Variants in MAGI2 observed in about 807,000 individuals in gnomAD.
The protein encoded by MAGI2 is membrane associated guanylate kinase, WW and PDZ domain containing 2, also known as membrane-associated guanylate kinase, WW and PDZ domain-containing protein 2.
A neutral mutation model predicts 133.3 loss-of-function variants in MAGI2; 35 were observed. That is an observed-to-expected ratio of 0.26 (90% CI 0.20 to 0.35). MAGI2 has a LOEUF of 0.35. Ranked by LOEUF, MAGI2 falls within the 10% of genes least tolerant of loss-of-function variation. MAGI2 has a pLI of 1.00. For synonymous variants in MAGI2, 729 were observed against 710.6 expected (o/e 1.03, Z -0.41); for missense variants, 1,636 against 1,863.4 (o/e 0.88, Z 2.25).
At chr7:78,627,638 C>T (rs1808513374) in intron 2 of MAGI2, among the ~76,000 whole-genome samples, 1 of 152,148 alleles carries the variant, frequency 6.6e-6, no homozygotes, top group Admixed American at 6.5e-5. Context: ...TGACATAAAA[C>T]ACAATGGAAA....
rs532013108 is a variant in MAGI2 at position 79,007,214 on chromosome 7, TA to T, written c.302-9del. ...CTTTATCAACAATTCCTCCTAAAAA[TA>T]AAAAAAGTTTCTTGGTAAGGGATGT... On this transcript the variant is annotated splice_polypyrimidine_tract_variant and intron_variant, in intron 1 of 21. Transcript: ENST00000354212. 1.2e-4 allele frequency: 193 copies of T among 1,553,226 alleles called. No individual in the cohort carries two copies. In the East Asian group the frequency reaches 4.0e-3, roughly 32 times the overall value.
intron 1 of MAGI2, among the ~76,000 whole-genome samples, chr7:79,174,686 T>C (rs1302416130): frequency 6.7e-6 from 1 of 150,290 alleles, no homozygotes; most frequent in Non-Finnish European, 1.5e-5. Context: ...AATAAAAAAA[T>C]TTAAATTTTT....
chr7:78,161,767 C>A (rs1278142821), intron 15 of MAGI2, among the ~76,000 whole-genome samples: 1 of 149,236 alleles, frequency 6.7e-6, no homozygotes, highest in Non-Finnish European at 1.5e-5. Context: ...TTCTTGTTTG[C>A]AATTACAGAA....
intron 2 of MAGI2, among the ~76,000 whole-genome samples, chr7:78,750,623 A>G (rs67890238): frequency 0.31 from 46,678 of 151,966 alleles, 7,383 homozygotes; most frequent in South Asian, 0.47. Flanking sequence ...ATAACAAAAA[A>G]CACAAGCAAA....
chr7:79,159,376 G>A (rs1824128021), intron 1 of MAGI2, among the ~76,000 whole-genome samples: 1 of 151,810 alleles, frequency 6.6e-6, no homozygotes, highest in Admixed American at 6.6e-5. Flanking sequence ...AATTAGCCTG[G>A]CATGGTGGTG....
chr7:79,270,229 C>T (rs1437048909), intron 1 of MAGI2, among the ~76,000 whole-genome samples: 2 of 152,186 alleles, frequency 1.3e-5, no homozygotes, highest in African/African-American at 4.8e-5. Context: ...AAAACCCTAA[C>T]CTCTGAGCCT....
At chr7:78,877,572 G>T (rs941806287) in intron 2 of MAGI2, among the ~76,000 whole-genome samples, 1 of 152,182 alleles carries the variant, frequency 6.6e-6, no homozygotes, top group Non-Finnish European at 1.5e-5. Context: ...GAGGGGCAAG[G>T]GTTGAAGGCT....
intron 1 of MAGI2, among the ~76,000 whole-genome samples, chr7:79,327,654 T>C (rs1839792816): frequency 6.6e-6 from 1 of 152,042 alleles, no homozygotes; most frequent in Admixed American, 6.6e-5. Context: ...AGGAATACTA[T>C]ATGGGTAATG....
intron 20 of MAGI2, among the ~76,000 whole-genome samples, chr7:78,080,971 C>CT (rs936080682): frequency 1.3e-5 from 2 of 152,192 alleles, no homozygotes; most frequent in African/African-American, 4.8e-5. Context: ...CCGCCAACCT[C>CT]TTTTCATTGT....
At chr7:78,362,398 G>A (rs1209683216) in intron 7 of MAGI2, among the ~76,000 whole-genome samples, 1 of 152,180 alleles carries the variant, frequency 6.6e-6, no homozygotes, top group African/African-American at 2.4e-5. Flanking sequence ...TCAAGAGCCA[G>A]TTGAAGTTTT....
intron 2 of MAGI2, among the ~76,000 whole-genome samples, chr7:78,673,043 T>C (rs1402885122): frequency 6.6e-6 from 1 of 152,184 alleles, no homozygotes; most frequent in Non-Finnish European, 1.5e-5. Flanking sequence ...TCTTCAAAAA[T>C]GTTTCTTTTC....
chr7:78,905,528 A>C (rs1797929780), intron 2 of MAGI2, among the ~76,000 whole-genome samples: 1 of 152,182 alleles, frequency 6.6e-6, no homozygotes. Flanking sequence ...CTAAGTGCTC[A>C]ATAATTTGTT....
At chr7:78,220,159 C>G (rs1257479733) in intron 10 of MAGI2, among the ~76,000 whole-genome samples, 7 of 152,192 alleles carry the variant, frequency 4.6e-5, no homozygotes, top group African/African-American at 1.7e-4. Context: ...TCTCAGAACA[C>G]CTGGGCTGTG....
At chr7:78,689,043 T>C (rs1816678760) in intron 2 of MAGI2, among the ~76,000 whole-genome samples, 2 of 152,188 alleles carry the variant, frequency 1.3e-5, no homozygotes, top group Non-Finnish European at 2.9e-5. Context: ...AATTGGAGTT[T>C]TCTATCTAGA....
Position 79,159,981 on chromosome 7 carries a change from A to C in MAGI2, c.302-152775T>G, listed in dbSNP as rs151130155. On this transcript the variant is annotated intron_variant, in intron 1 of 21. Coordinates refer to ENST00000354212, the MANE Select transcript of MAGI2 (RefSeq NM_012301.4). ...CTCTAATCAAGTAACTTACTTAAGAAGGTACTTATCAGATTGGTAGAAGCT... is the reference window on the plus strand; with the variant it reads ...CTCTAATCAAGTAACTTACTTAAGACGGTACTTATCAGATTGGTAGAAGCT... Among the ~76,000 whole-genome samples, 314 of 152,226 alleles carry C rather than the reference A, an allele frequency of 2.1e-3. 1 individual carries two copies. The highest frequency in any genetic ancestry group is 7.3e-3 in the African/African-American group (305 of 41,574).
intron 6 of MAGI2, among the ~76,000 whole-genome samples, chr7:78,436,788 C>T (rs575097700): frequency 2.4e-4 from 36 of 152,240 alleles, no homozygotes; most frequent in South Asian, 6.2e-4. Context: ...AGCTCCCAGC[C>T]GCATCCCCAA....
intron 1 of MAGI2, among the ~76,000 whole-genome samples, chr7:79,228,309 C>A (rs575937223): frequency 2.5e-4 from 30 of 121,624 alleles, no homozygotes; most frequent in African/African-American, 8.5e-4. Flanking sequence ...CACCACTGCA[C>A]CCCAGGCTGG....
intron 2 of MAGI2, among the ~76,000 whole-genome samples, chr7:78,838,234 T>C (rs1001016090): frequency 6.6e-6 from 1 of 152,146 alleles, no homozygotes; most frequent in African/African-American, 2.4e-5. Flanking sequence ...TAGATGTTTT[T>C]TTCATGAATG....
chr7:79,169,785 C>T (rs1186310076), intron 1 of MAGI2, among the ~76,000 whole-genome samples: 1 of 152,072 alleles, frequency 6.6e-6, no homozygotes, highest in East Asian at 1.9e-4. Context: ...GCCACATCAA[C>T]AACTAAACAT....
Sources: gnomAD v4.1 joint callset for allele counts (sites outside exome capture counted in the v4.1 genomes callset) on GRCh38, gnomAD v4.1.1 for gene constraint, MANE v1.5 for transcripts, NCBI Gene and HGNC (gene_info 2026-07-23, HGNC 2026-07-21) for gene names.